Variants in SNTG1 observed in about 807,000 individuals in gnomAD.
SNTG1 encodes gamma-1-syntrophin.
SNTG1 carries 39 observed loss-of-function variants against 74.7 expected under a neutral mutation model. The ratio of observed to expected loss-of-function variants is 0.52; its 90% CI spans 0.40 to 0.68. The LOEUF (loss-of-function observed/expected upper bound fraction) is 0.68. Among genes scored for constraint, SNTG1 ranks in the 30% least tolerant of loss-of-function variants. The pLI is 0.00. For synonymous variants in SNTG1, 254 were observed against 217.1 expected, an observed-to-expected ratio of 1.17 and a Z score of -1.49; for missense variants, 685 against 609.5, an observed-to-expected ratio of 1.12 and a Z score of -1.30.
chr8:50,406,815 AT>A (rs1258961744), intron 4 of SNTG1, among the ~76,000 whole-genome samples: 1 of 151,696 alleles, frequency 6.6e-6, no homozygotes, highest in Non-Finnish European at 1.5e-5. Context: ...GTGCTTTTTA[AT>A]TTTTTTTCTT....
chr8:50,432,202 T>G (rs1587606863), intron 4 of SNTG1, among the ~76,000 whole-genome samples: 1 of 152,198 alleles, frequency 6.6e-6, no homozygotes, highest in Non-Finnish European at 1.5e-5. Flanking sequence ...GTGAAGAGCA[T>G]AGTATACATG....
chr8:50,531,773 C>T (rs1352081826), intron 10 of SNTG1, among the ~76,000 whole-genome samples: 2 of 152,134 alleles, frequency 1.3e-5, no homozygotes, highest in Non-Finnish European at 2.9e-5. Flanking sequence ...CACCTCTGCT[C>T]CTAAGACAGA....
At chr8:50,241,567 T>A (rs2086164319) in intron 2 of SNTG1, among the ~76,000 whole-genome samples, 2 of 152,192 alleles carry the variant, frequency 1.3e-5, no homozygotes, top group Non-Finnish European at 2.9e-5. Context: ...GATGTCCCAG[T>A]GGGCAGACAT....
intron 15 of SNTG1, among the ~76,000 whole-genome samples, chr8:50,673,038 G>GAA (rs1586037284): frequency 6.7e-6 from 1 of 148,834 alleles, no homozygotes; most frequent in Non-Finnish European, 1.5e-5. Flanking sequence ...CTGTTCCATT[G>GAA]CCTGTTTTGA....
chr8:50,120,006 T>C lies in SNTG1; in HGVS notation c.-102-52555T>C, dbSNP rs550306730. On this transcript the variant is annotated intron_variant, in intron 1 of 18. Transcript: ENST00000642720. ...TTCATGATAATTTAGTTTCTTGCCT[T>C]GAGAAGCACAGTAGAAGATGAAGAT... Among the ~76,000 whole-genome samples, 73 of 142,056 alleles carry C rather than the reference T, an allele frequency of 5.1e-4. 9 individuals are homozygous for C. The highest frequency in any genetic ancestry group is 1.7e-3 in the African/African-American group (67 of 39,418). The allele number at this position is 142,056 out of a possible 152,430, so 93.2% of individuals were successfully genotyped here.
chr8:50,776,014 G>C (rs918553013), intron 18 of SNTG1, among the ~76,000 whole-genome samples: 1 of 151,372 alleles, frequency 6.6e-6, no homozygotes, highest in Admixed American at 6.6e-5. Context: ...CTTGTAGATA[G>C]CATATATTTG....
chr8:50,322,210 T>C (rs1178238870), intron 2 of SNTG1, among the ~76,000 whole-genome samples: 5 of 152,174 alleles, frequency 3.3e-5, no homozygotes, highest in African/African-American at 4.8e-5. Context: ...TCAGGTTTGT[T>C]TGTCTGGGAA....
At chr8:50,418,811 G>T (rs2093045789) in intron 4 of SNTG1, among the ~76,000 whole-genome samples, 1 of 152,000 alleles carries the variant, frequency 6.6e-6, no homozygotes, top group African/African-American at 2.4e-5. Context: ...CTTTCCAGCT[G>T]CATTAGGCAG....
intron 1 of SNTG1, among the ~76,000 whole-genome samples, chr8:50,169,054 A>G (rs1347694128): frequency 6.6e-6 from 1 of 152,178 alleles, no homozygotes; most frequent in East Asian, 1.9e-4. Flanking sequence ...TGATTGTTTC[A>G]CATTTTTATA....
chr8:50,553,177 A>G lies in SNTG1; in HGVS notation c.808A>G (p.Asn270Asp). ...ATNISNLTKH[N>D]IKKINRNFPV... ...TAACATTTCAAATCTCACAAAGCAC[A>G]ATGTAAGTAATGATTCAAGGAATAC... The change falls in exon 12 of 19, where the codon AAT becomes GAT. Residue 270 changes from asparagine to aspartate, a missense_variant and splice_region_variant. Asn to Asp is a conservative substitution (Grantham distance 23, BLOSUM62 1). Transcript: ENST00000642720. 1 of 1,613,748 alleles carries G rather than the reference A, an allele frequency of 6.2e-7. No individual in the cohort carries two copies. The highest frequency in any genetic ancestry group is 8.5e-7 in the Non-Finnish European group (1 of 1,179,770).
chr8:50,018,878 G>C (rs892013031), intron 1 of SNTG1, among the ~76,000 whole-genome samples: 3 of 151,980 alleles, frequency 2.0e-5, no homozygotes, highest in Non-Finnish European at 2.9e-5. Flanking sequence ...GTACATTGCT[G>C]CTGAAAACTG....
intron 17 of SNTG1, among the ~76,000 whole-genome samples, chr8:50,744,299 A>G (rs2095550349): frequency 1.3e-5 from 2 of 152,066 alleles, no homozygotes; most frequent in South Asian, 4.1e-4. Flanking sequence ...ACAATGAATA[A>G]TCTGGAAAAG....
chr8:50,462,270 C>T (rs908526835), intron 8 of SNTG1, among the ~76,000 whole-genome samples: 2 of 145,614 alleles, frequency 1.4e-5, no homozygotes, highest in African/African-American at 4.9e-5. Context: ...ATACTATAGT[C>T]TATTATGCAT....
chr8:50,354,618 AT>A (rs977862785), intron 2 of SNTG1, among the ~76,000 whole-genome samples: 3 of 152,168 alleles, frequency 2.0e-5, no homozygotes, highest in Admixed American at 2.0e-4. Flanking sequence ...CTTATAACAA[AT>A]TACCACAAAT....
chr8:50,526,863 C>T (rs184602846), intron 9 of SNTG1, among the ~76,000 whole-genome samples: 4 of 152,070 alleles, frequency 2.6e-5, no homozygotes, highest in East Asian at 1.9e-4. Flanking sequence ...TCCTTGTGAT[C>T]ATCCCGCCTC....
intron 2 of SNTG1, among the ~76,000 whole-genome samples, chr8:50,206,301 T>G (rs1464031790): frequency 6.6e-6 from 1 of 152,198 alleles, no homozygotes; most frequent in Admixed American, 6.5e-5. Context: ...GTCAGTTGGA[T>G]TCCTAGGTAT....
At position 50,690,984 on chromosome 8, in the gene SNTG1, A is replaced by T. The variant is rs981974412; in HGVS notation, c.1039-13616A>T. ...TAGTTAGCTCTTCTTGTTGAATTGAACCTTTTACCATTATGTAACGGCCTT... is the reference window on the plus strand; with the variant it reads ...TAGTTAGCTCTTCTTGTTGAATTGATCCTTTTACCATTATGTAACGGCCTT... On this transcript the variant is annotated intron_variant, in intron 15 of 18. Transcript: ENST00000642720. Among the ~76,000 whole-genome samples the T allele has an allele frequency of 8.6e-5, 13 of 151,996 alleles. 1 individual carries two copies. The East Asian group carries it at 1.4e-3, about 16-fold the overall frequency.
chr8:49,957,185 A>G (rs905911026), intron 1 of SNTG1, among the ~76,000 whole-genome samples: 7 of 152,190 alleles, frequency 4.6e-5, no homozygotes, highest in African/African-American at 1.7e-4. Context: ...ACTGGTGTTC[A>G]TGTGGGGATC....
chr8:50,544,195 C>T (rs35338343), intron 11 of SNTG1, among the ~76,000 whole-genome samples: 21,455 of 151,832 alleles, frequency 0.14, 1,903 homozygotes, highest in Middle Eastern at 0.27. Context: ...TTTAAGTTAT[C>T]GCCTAAGCAT....
Sources: allele counts gnomAD v4.1 joint callset (sites outside exome capture counted in the v4.1 genomes callset), GRCh38; gene constraint gnomAD v4.1.1; transcripts MANE v1.5; gene names NCBI Gene and HGNC (gene_info 2026-07-23, HGNC 2026-07-21).